Variants in RSU1 observed in about 807,000 individuals in gnomAD.
RSU1 encodes rsu-1.
In RSU1, 26 loss-of-function variants were observed where a neutral mutation model predicts 31.1. That is an observed-to-expected ratio of 0.84 (90% CI 0.61 to 1.16). The LOEUF (loss-of-function observed/expected upper bound fraction) is 1.16, where lower values mean the gene tolerates loss of function less well. RSU1 is among the 50% of genes most tolerant of loss of function. RSU1 has a pLI of 0.00. For missense variants in RSU1, 320 were observed against 339.1 expected (o/e 0.94, Z 0.44); for synonymous variants, 164 against 136.3 (o/e 1.20, Z -1.41).
chr10:16,597,793 G>A (rs372324581), intron 8 of RSU1, among the ~76,000 whole-genome samples: 4 of 152,336 alleles, frequency 2.6e-5, no homozygotes, highest in East Asian at 1.9e-4. Context: ...CCTTTTTGAA[G>A]AAAGCAACTA....
At chr10:16,645,072 C>G (rs1168976369) in intron 8 of RSU1, among the ~76,000 whole-genome samples, 1 of 152,136 alleles carries the variant, frequency 6.6e-6, no homozygotes, top group African/African-American at 2.4e-5. Flanking sequence ...CCAGAAGTTT[C>G]AAGATACAAA....
At chr10:16,766,535 T>C (rs1430938199) in intron 3 of RSU1, among the ~76,000 whole-genome samples, 1 of 152,084 alleles carries the variant, frequency 6.6e-6, no homozygotes, top group African/African-American at 2.4e-5. Flanking sequence ...ACCAACACGG[T>C]GCAACTCTGA....
intron 7 of RSU1, among the ~76,000 whole-genome samples, chr10:16,744,980 G>A (rs924063579): frequency 1.1e-4 from 16 of 152,112 alleles, no homozygotes; most frequent in African/African-American, 3.1e-4. Flanking sequence ...AGGATACACT[G>A]ACCAATCCCA....
chr10:16,717,864 G>A (rs781567179), intron 7 of RSU1, among the ~76,000 whole-genome samples: 5 of 151,894 alleles, frequency 3.3e-5, no homozygotes, highest in Non-Finnish European at 7.4e-5. Context: ...ATAAATAACA[G>A]AGTGAAAGTG....
intron 2 of RSU1, among the ~76,000 whole-genome samples, chr10:16,793,115 T>C (rs1837959883): frequency 6.6e-6 from 1 of 152,166 alleles, no homozygotes; most frequent in Middle Eastern, 3.2e-3. Flanking sequence ...ACCAGAATCA[T>C]AAAAAGCTTT....
chr10:16,698,718 G>C (rs1364217060), intron 7 of RSU1, among the ~76,000 whole-genome samples: 1 of 152,156 alleles, frequency 6.6e-6, no homozygotes, highest in Non-Finnish European at 1.5e-5. Flanking sequence ...AGGAGACGCT[G>C]GATGCAAGCT....
intron 8 of RSU1, among the ~76,000 whole-genome samples, chr10:16,691,714 T>A (rs1359049948): frequency 3.0e-5 from 4 of 134,132 alleles, no homozygotes; most frequent in African/African-American, 1.2e-4. Context: ...TTACTGAAGC[T>A]GCTGCTTCTT....
intron 8 of RSU1, among the ~76,000 whole-genome samples, chr10:16,654,792 C>T (rs1424176220): frequency 2.0e-5 from 3 of 151,990 alleles, no homozygotes; most frequent in Admixed American, 1.3e-4. Flanking sequence ...AGCATAGTGG[C>T]TCATGCCTAT....
chr10:16,672,892 G>C (rs919433755), intron 8 of RSU1, among the ~76,000 whole-genome samples: 9 of 152,158 alleles, frequency 5.9e-5, no homozygotes, highest in Admixed American at 3.9e-4. Context: ...GCCAATTGTT[G>C]TCAAATAAAG....
chr10:16,739,383 G>T (rs1836704671), intron 7 of RSU1, among the ~76,000 whole-genome samples: 1 of 150,356 alleles, frequency 6.7e-6, no homozygotes, highest in South Asian at 2.1e-4. Context: ...GTTGCTTCCT[G>T]ACTTTTTAAT....
intron 8 of RSU1, among the ~76,000 whole-genome samples, chr10:16,654,549 A>C (rs1383384717): frequency 6.6e-6 from 1 of 151,478 alleles, no homozygotes. Context: ...GTGTGCCTGT[A>C]ATCCCAACTA....
chr10:16,807,903 G>C (rs1484825128), intron 2 of RSU1, among the ~76,000 whole-genome samples: 2 of 151,380 alleles, frequency 1.3e-5, no homozygotes, highest in Non-Finnish European at 2.9e-5. Context: ...GGTGCCTGTA[G>C]TCCCAGCCAC....
chr10:16,807,855 C>CTACGAAAAA (rs1838307160), intron 2 of RSU1, among the ~76,000 whole-genome samples: 1 of 151,972 alleles, frequency 6.6e-6, no homozygotes, highest in African/African-American at 2.4e-5. Flanking sequence ...AATCCCGTCT[C>CTACGAAAAA]TACGAAAAAT....
intron 8 of RSU1, among the ~76,000 whole-genome samples, chr10:16,609,390 G>A (rs1370031428): frequency 1.3e-5 from 2 of 152,268 alleles, no homozygotes; most frequent in East Asian, 1.9e-4. Flanking sequence ...GGGAAGAGCC[G>A]AAGCTTGTCA....
At chr10:16,761,716 C>T (rs759071487) in intron 4 of RSU1, among the ~76,000 whole-genome samples, 4 of 151,962 alleles carry the variant, frequency 2.6e-5, no homozygotes, top group Admixed American at 6.6e-5. Flanking sequence ...ATTAGCTGGG[C>T]GTGGTGGCAG....
At chr10:16,701,488 C>T (rs1266755957) in intron 7 of RSU1, among the ~76,000 whole-genome samples, 1 of 152,186 alleles carries the variant, frequency 6.6e-6, no homozygotes, top group African/African-American at 2.4e-5. Flanking sequence ...TCTGCTTGGC[C>T]TTTCCAGCAA....
intron 8 of RSU1, among the ~76,000 whole-genome samples, chr10:16,682,295 C>G (rs1835340368): frequency 6.6e-6 from 1 of 152,122 alleles, no homozygotes; most frequent in Admixed American, 6.6e-5. Flanking sequence ...CACTCCCAGG[C>G]AGCTAGGCAT....
intron 8 of RSU1, among the ~76,000 whole-genome samples, chr10:16,636,212 T>C (rs1834342625): frequency 6.6e-6 from 1 of 152,112 alleles, no homozygotes; most frequent in Non-Finnish European, 1.5e-5. Flanking sequence ...CTACTGAATA[T>C]CTCCACTTAG....
At chr10:16,620,793 T>C (rs7910394) in intron 8 of RSU1, among the ~76,000 whole-genome samples, 45,611 of 150,876 alleles carry the variant, frequency 0.3, 10,409 homozygotes, top group African/African-American at 0.65. Context: ...TGCAGTCAGC[T>C]GAGATCGCGC....
Sources: allele counts gnomAD v4.1 joint callset (sites outside exome capture counted in the v4.1 genomes callset), GRCh38; gene constraint gnomAD v4.1.1; transcripts MANE v1.5; gene names NCBI Gene and HGNC (gene_info 2026-07-23, HGNC 2026-07-21).